The following TBC1D12 variants were observed in gnomAD, a reference collection of about 807,000 sequenced individuals.
TBC1D12 encodes the protein TBC1 domain family, member 12.
A neutral mutation model predicts 86.7 loss-of-function variants in TBC1D12; 56 were observed. The ratio of observed to expected loss-of-function variants is 0.65; its 90% CI spans 0.52 to 0.81. The LOEUF (loss-of-function observed/expected upper bound fraction) is 0.81, where lower values mean the gene tolerates loss of function less well. Among genes scored for constraint, TBC1D12 ranks in the 30% least tolerant of loss-of-function variants. TBC1D12 has a pLI of 0.00. For synonymous variants in TBC1D12, 421 were observed against 411.7 expected (o/e 1.02, Z -0.27); for missense variants, 1,023 against 1,038.8 (o/e 0.98, Z 0.21).
At chr10:94,531,911 T>TTATG (rs1452772265) in intron 12 of TBC1D12, among the ~76,000 whole-genome samples, 2,699 of 70,618 alleles carry the variant, frequency 0.038, 182 homozygotes, top group East Asian at 0.2. Flanking sequence ...GTTATGTTAT[T>TTATG]TTATTGTCAC....
chr10:94,493,350 A>G lies in TBC1D12; in HGVS notation c.1212-15A>G, dbSNP rs201507535. 2.5e-6 allele frequency: 4 copies of G among 1,596,128 alleles called. No individual in the cohort carries two copies. The highest frequency in any genetic ancestry group is 3.4e-6 in the Non-Finnish European group (4 of 1,170,542). On this transcript the variant is annotated splice_polypyrimidine_tract_variant and intron_variant, in intron 3 of 12. Coordinates refer to ENST00000225235, the MANE Select transcript of TBC1D12 (RefSeq NM_015188.2). ...TTTTAAAAATTGTCTTGACTTAAGT[A>G]ATTTTTTTTTCCAGAAATCTTCCTG... is the stretch of plus-strand genomic sequence containing the variant.
At chr10:94,531,865 TG>T (rs1264825928) in intron 12 of TBC1D12, among the ~76,000 whole-genome samples, 1 of 140,828 alleles carries the variant, frequency 7.1e-6, no homozygotes, top group Non-Finnish European at 1.6e-5. Flanking sequence ...TTATTTTATA[TG>T]TTATGTTATG....
intron 1 of TBC1D12, among the ~76,000 whole-genome samples, chr10:94,437,734 A>C (rs1391738563): frequency 2.0e-5 from 3 of 151,506 alleles, no homozygotes; most frequent in Admixed American, 2.0e-4. Flanking sequence ...TCTTTCTACT[A>C]CTGAGAGTGG....
In TBC1D12 at chr10:94,520,424, G is replaced by A. The variant is rs565205673; in HGVS notation, c.1762-1531G>A. ...AAAATTAGCCGGGGTGGTGGCACATGCCTGTAATCCCAGCTACTCGGGAGG... is the reference window on the plus strand; with the variant it reads ...AAAATTAGCCGGGGTGGTGGCACATACCTGTAATCCCAGCTACTCGGGAGG... On this transcript the variant is annotated intron_variant, in intron 9 of 12. Transcript: ENST00000225235. 3.3e-5 allele frequency among the ~76,000 whole-genome samples: 5 copies of A among 152,194 alleles called. No individual in the cohort carries two copies. In the South Asian group the frequency reaches 8.3e-4, roughly 25 times the overall value.
intron 11 of TBC1D12, 61 bp from the exon 12 acceptor site, chr10:94,531,141 T>C (rs1054339626): frequency 1.9e-6 from 3 of 1,545,510 alleles, no homozygotes; most frequent in Non-Finnish European, 8.8e-7. Context: ...TAGAGATGCT[T>C]ACTGAGTAAA....
intron 6 of TBC1D12, among the ~76,000 whole-genome samples, chr10:94,501,236 C>T (rs988478689): frequency 6.6e-6 from 1 of 151,944 alleles, no homozygotes; most frequent in Admixed American, 6.5e-5. Context: ...ATTGCCTGAG[C>T]TCAGGATTTC....
intron 2 of TBC1D12, among the ~76,000 whole-genome samples, chr10:94,459,013 C>T (rs1199143949): frequency 6.6e-6 from 1 of 152,130 alleles, no homozygotes; most frequent in Non-Finnish European, 1.5e-5. Flanking sequence ...GCTCAGGTGG[C>T]CTGCTTTTAT....
At chr10:94,479,283 C>T (rs1374382395) in intron 3 of TBC1D12, among the ~76,000 whole-genome samples, 1 of 151,976 alleles carries the variant, frequency 6.6e-6, no homozygotes, top group African/African-American at 2.4e-5. Flanking sequence ...TCACTCTTTA[C>T]CTGAAAACTA....
chr10:94,445,166 C>G (rs1457311627), intron 2 of TBC1D12, among the ~76,000 whole-genome samples: 1 of 151,084 alleles, frequency 6.6e-6, no homozygotes, highest in East Asian at 2.0e-4. Context: ...TGAGACCATC[C>G]TGACCAACAT....
chr10:94,533,145 A>G lies in TBC1D12; in HGVS notation c.*49A>G. The G allele has an allele frequency of 1.6e-6, 2 of 1,278,054 alleles. No individual in the cohort carries two copies. Among genetic ancestry groups the G allele is most frequent in the Non-Finnish European group, 2.2e-6 (2 of 920,050 alleles). The allele number at this position is 1,278,054 out of a possible 1,614,324, so 79.2% of individuals were successfully genotyped here. On this transcript the variant is annotated 3_prime_UTR_variant, in exon 13 of 13. Coordinates refer to ENST00000225235, the MANE Select transcript of TBC1D12 (RefSeq NM_015188.2). ...GACATAGAAAAAGTGGTTTTTGGAT[A>G]AAGGTTTTTTGTTTCCTATGTAAAA...
chr10:94,454,966 A>G (rs144905552), intron 2 of TBC1D12, among the ~76,000 whole-genome samples: 23 of 152,162 alleles, frequency 1.5e-4, no homozygotes, highest in Non-Finnish European at 3.4e-4. Flanking sequence ...CTGACCTTAG[A>G]GAGACAGCTT....
At chr10:94,510,202 T>C (rs372248419) in intron 8 of TBC1D12, 23 bp downstream of exon 8, 118 of 1,496,926 alleles carry the variant, frequency 7.9e-5, no homozygotes, top group Non-Finnish European at 1.1e-4. Context: ...AACCAGCTTG[T>C]AATTACTTAA....
At chr10:94,529,150 A>G (rs1842365848) in intron 11 of TBC1D12, among the ~76,000 whole-genome samples, 1 of 152,046 alleles carries the variant, frequency 6.6e-6, no homozygotes, top group Non-Finnish European at 1.5e-5. Context: ...ATCTGGGGCT[A>G]CAGGCAAACC....
chr10:94,531,759 T>TTTATTTTATTTTATGTTATTTTATTTTG lies in TBC1D12; in HGVS notation c.2259+326_2259+327insGTTATTTTATTTTATGTTATTTTATTTT, dbSNP rs1564996750. 7.5e-3 allele frequency among the ~76,000 whole-genome samples: 501 copies of TTTATTTTATTTTATGTTATTTTATTTTG among 66,610 alleles called. 41 individuals carry two copies. Among genetic ancestry groups the TTTATTTTATTTTATGTTATTTTATTTTG allele is most frequent in the African/African-American group, 0.02 (474 of 24,238 alleles). 43.7% of individuals were successfully genotyped at this position (66,610 alleles called of 152,430 possible). ...GTTATGTTATTTTATGTTATTTTATTTTATTTTATTTTATGTTATTTTATT... is the reference window on the plus strand; with the variant it reads ...GTTATGTTATTTTATGTTATTTTATTTTATTTTATTTTATGTTATTTTATTTTGTTATTTTATTTTATGTTATTTTATT... On this transcript the variant is annotated intron_variant, in intron 12 of 12. Transcript: ENST00000225235.
At position 94,495,027 on chromosome 10, in the gene TBC1D12, CT is replaced by C. The variant is rs34125941; in HGVS notation, c.1294+1594del. On this transcript the variant is annotated intron_variant, in intron 4 of 12. Transcript: ENST00000225235. The stretch of plus-strand genomic sequence containing the variant: ...CAGGTGCATGCCACCACACCCAGCT[CT>C]TTTTTTTTTTTTTGAGACAAAATCT... 8.8e-3 allele frequency among the ~76,000 whole-genome samples: 1,241 copies of C among 140,306 alleles called. 16 individuals carry two copies. Among genetic ancestry groups the C allele is most frequent in the African/African-American group, 0.028 (1,073 of 38,134 alleles). The allele number at this position is 140,306 out of a possible 152,430, so 92.0% of individuals were successfully genotyped here.
intron 3 of TBC1D12, among the ~76,000 whole-genome samples, chr10:94,482,315 T>G (rs1225087492): frequency 1.3e-5 from 2 of 152,198 alleles, no homozygotes; most frequent in African/African-American, 4.8e-5. Context: ...GCTCCATCAA[T>G]GGTTCCCGCT....
chr10:94,476,676 G>A (rs1268989579), intron 3 of TBC1D12, among the ~76,000 whole-genome samples: 1 of 151,934 alleles, frequency 6.6e-6, no homozygotes, highest in Non-Finnish European at 1.5e-5. Context: ...CTTTTTACCG[G>A]GAATGTTAAT....
intron 2 of TBC1D12, among the ~76,000 whole-genome samples, chr10:94,474,265 C>G (rs568786633): frequency 6.6e-5 from 10 of 151,972 alleles, no homozygotes; most frequent in African/African-American, 1.4e-4. Context: ...TAGTGTACTT[C>G]TGTCTTTCCT....
intron 3 of TBC1D12, among the ~76,000 whole-genome samples, chr10:94,479,101 G>A (rs565811017): frequency 1.3e-5 from 2 of 152,266 alleles, no homozygotes; most frequent in South Asian, 4.1e-4. Flanking sequence ...AATCAATGTA[G>A]TAATTTCAAA....
Sources: gnomAD v4.1 joint callset for allele counts (sites outside exome capture counted in the v4.1 genomes callset) on GRCh38, gnomAD v4.1.1 for gene constraint, MANE v1.5 for transcripts, NCBI Gene and HGNC (gene_info 2026-07-23, HGNC 2026-07-21) for gene names.